RFTN1: variants seen among roughly 807,000 people sequenced by gnomAD.
RFTN1 encodes raftlin, lipid raft linker 1.
RFTN1 carries 26 observed loss-of-function variants against 46.5 expected under a neutral mutation model. The ratio of observed to expected loss-of-function variants is 0.56; its 90% CI spans 0.41 to 0.78. The LOEUF is 0.78. Among genes scored for constraint, RFTN1 ranks in the 30% least tolerant of loss-of-function variants. RFTN1 has a pLI of 0.00. For synonymous variants in RFTN1, 261 were observed against 284.2 expected (o/e 0.92, Z 0.82); for missense variants, 693 against 718.7 (o/e 0.96, Z 0.41).
chr3:16,340,178 G>T (rs1368893067), intron 7 of RFTN1, among the ~76,000 whole-genome samples: 1 of 152,222 alleles, frequency 6.6e-6, no homozygotes, highest in Non-Finnish European at 1.5e-5. Flanking sequence ...CTATCAGGAG[G>T]TAGTGCCTGT....
In RFTN1 at chr3:16,427,740, G is replaced by T. The variant is rs1264697297; in HGVS notation, c.332+6111C>A. ...TAGAGAAGTGGGCCCTGGCCTGAGG[G>T]GCTCATTACAGCACCACACACAGCC... On this transcript the variant is annotated intron_variant, in intron 3 of 9. Transcript: ENST00000334133. This position sits in a 1 kb window ranked among gnomAD's most constrained non-coding sequence, Gnocchi z 5.4. Among the ~76,000 whole-genome samples the T allele has an allele frequency of 6.6e-6, 1 of 152,148 alleles. No homozygotes were observed. The highest frequency in any genetic ancestry group is 2.4e-5 in the African/African-American group (1 of 41,442).
rs1019293170 is a variant in RFTN1 at position 16,425,500 on chromosome 3, G to A, written c.332+8351C>T. The stretch of plus-strand genomic sequence containing the variant: ...CAAACAAAAAATAAATAAAATGTGA[G>A]GAAAGACACAGGCCAATCAAGGGCA... On this transcript the variant is annotated intron_variant, in intron 3 of 9. Transcript: ENST00000334133. The surrounding 1 kb of genome is among the most constrained non-coding windows in gnomAD (Gnocchi z 4.3). Among the ~76,000 whole-genome samples, 3 of 152,134 alleles carry A rather than the reference G, an allele frequency of 2.0e-5. No homozygotes were observed. The highest frequency in any genetic ancestry group is 7.2e-5 in the African/African-American group (3 of 41,414).
At chr3:16,364,557 G>A (rs993050943) in intron 6 of RFTN1, among the ~76,000 whole-genome samples, 5 of 152,108 alleles carry the variant, frequency 3.3e-5, no homozygotes, top group Non-Finnish European at 2.9e-5. Context: ...TCTCTGCCTC[G>A]GTGGTTAGGG....
Position 16,466,631 on chromosome 3 carries a change from C to A in RFTN1, c.145+27094G>T, listed in dbSNP as rs1374032320. ...AACACCAACCATCCTCAGAAACCAA[C>A]CTTCTTTACAGGCAGAAGTTTCTTC... On this transcript the variant is annotated intron_variant, in intron 2 of 9. Transcript: ENST00000334133. This position sits in a 1 kb window ranked among gnomAD's most constrained non-coding sequence, Gnocchi z 5.6. Among the ~76,000 whole-genome samples, 2 of 152,200 alleles carry A rather than the reference C, an allele frequency of 1.3e-5. No individual in the cohort carries two copies. The highest frequency in any genetic ancestry group is 4.1e-4 in the South Asian group (2 of 4,824).
At chr3:16,454,617 A>G (rs1488977991) in intron 2 of RFTN1, among the ~76,000 whole-genome samples, 6 of 152,350 alleles carry the variant, frequency 3.9e-5, no homozygotes, top group East Asian at 1.9e-4. Flanking sequence ...AATTGGGTAG[A>G]TGGATACATA....
At chr3:16,419,261 C>T (rs1203450514) in intron 3 of RFTN1, among the ~76,000 whole-genome samples, 1 of 151,980 alleles carries the variant, frequency 6.6e-6, no homozygotes, top group African/African-American at 2.4e-5. Flanking sequence ...TCTGCAGTGA[C>T]CGGGGCAGAA....
At chr3:16,343,660 A>G (rs1315182964) in intron 7 of RFTN1, among the ~76,000 whole-genome samples, 1 of 152,230 alleles carries the variant, frequency 6.6e-6, no homozygotes. Flanking sequence ...TTGGTCAAAG[A>G]TATCTGTTCT....
intron 6 of RFTN1, among the ~76,000 whole-genome samples, chr3:16,360,198 G>A (rs979650877): frequency 4.6e-5 from 7 of 151,404 alleles, no homozygotes; most frequent in African/African-American, 1.7e-4. Flanking sequence ...TTGAGGTAGG[G>A]TCTCACTCTG....
intron 2 of RFTN1, among the ~76,000 whole-genome samples, chr3:16,467,646 G>A (rs1439560600): frequency 1.3e-5 from 2 of 152,228 alleles, no homozygotes; most frequent in Non-Finnish European, 2.9e-5. Flanking sequence ...GTGGCCAAAA[G>A]AGGTGATGAC....
rs1277904631 is a variant in RFTN1 at position 16,422,253 on chromosome 3, A to G, written c.332+11598T>C. Among the ~76,000 whole-genome samples, 2 of 152,234 alleles carry G rather than the reference A, an allele frequency of 1.3e-5. No homozygotes were observed. The highest frequency in any genetic ancestry group is 1.3e-4 in the Admixed American group (2 of 15,294). ...GTGTGTTAATGTAACTACAATTTCA[A>G]CAGAGTTTACCAGGAACTGAAGAAA... On this transcript the variant is annotated intron_variant, in intron 3 of 9. Transcript: ENST00000334133. The surrounding 1 kb of genome is among the most constrained non-coding windows in gnomAD (Gnocchi z 4.6).
In RFTN1 at chr3:16,465,221, A is replaced by T. The variant is rs1279498143; in HGVS notation, c.145+28504T>A. On this transcript the variant is annotated intron_variant, in intron 2 of 9. Transcript: ENST00000334133. The surrounding 1 kb of genome is among the most constrained non-coding windows in gnomAD (Gnocchi z 5.1). ...CTATTCAAGGATGCCACTTCAAGGT[A>T]AAAAAAAAAAAAGCCTTAGTATTTC... Among the ~76,000 whole-genome samples, 5 of 116,026 alleles carry T rather than the reference A, an allele frequency of 4.3e-5. No homozygotes were observed. Among genetic ancestry groups the T allele is most frequent in the Non-Finnish European group, 2.0e-5 (1 of 50,516 alleles). The allele number at this position is 116,026 out of a possible 152,430, so 76.1% of individuals were successfully genotyped here. A position where few individuals can be genotyped will look rare whatever the true frequency, so the allele number is the denominator to read the frequency against.
In RFTN1 at chr3:16,344,362, A is replaced by G. The variant is rs1471621178; in HGVS notation, c.1146+13570T>C. Among the ~76,000 whole-genome samples the G allele has an allele frequency of 1.3e-5, 2 of 151,846 alleles. No individual in the cohort carries two copies. The highest frequency in any genetic ancestry group is 4.8e-5 in the African/African-American group (2 of 41,290). Reference sequence around the variant, plus strand: ...TTTTTTAATTAGTAGGATGCTTCCTATAGGCATCAACTATAATCTAATTTA... The same window carrying G: ...TTTTTTAATTAGTAGGATGCTTCCTGTAGGCATCAACTATAATCTAATTTA... On this transcript the variant is annotated intron_variant, in intron 7 of 9. Transcript: ENST00000334133. The surrounding 1 kb of genome is among the most constrained non-coding windows in gnomAD (Gnocchi z 4.4).
chr3:16,469,519 T>C (rs1275504340), intron 2 of RFTN1, among the ~76,000 whole-genome samples: 1 of 151,844 alleles, frequency 6.6e-6, no homozygotes, highest in Non-Finnish European at 1.5e-5. Context: ...CAAAGGCAGG[T>C]GCACGACCTT....
rs549072459 is a variant in RFTN1, at chr3:16,342,228, C to T, written c.1147-15352G>A. ...CCCCCCACCCACCCCGAGGCAACCA[C>T]GAGTCCACTTTTTGTCTCTATGCAC... is the stretch of plus-strand genomic sequence containing the variant. On this transcript the variant is annotated intron_variant, in intron 7 of 9. Transcript: ENST00000334133. This position sits in a 1 kb window ranked among gnomAD's most constrained non-coding sequence, Gnocchi z 4.0. Among the ~76,000 whole-genome samples, 2 of 152,098 alleles carry T rather than the reference C, an allele frequency of 1.3e-5. No individual in the cohort carries two copies. The highest frequency in any genetic ancestry group is 2.4e-5 in the African/African-American group (1 of 41,498).
chr3:16,431,089 A>C (rs1165085684), intron 3 of RFTN1, among the ~76,000 whole-genome samples: 2 of 152,264 alleles, frequency 1.3e-5, no homozygotes, highest in South Asian at 4.1e-4. Context: ...ACAGCCCCTC[A>C]TTGTAGCAGC....
chr3:16,490,624 C>T (rs1357014059), intron 2 of RFTN1, among the ~76,000 whole-genome samples: 3 of 152,128 alleles, frequency 2.0e-5, no homozygotes, highest in African/African-American at 2.4e-5. Flanking sequence ...TCAAGAGTGC[C>T]GACATTCGCA....
intron 4 of RFTN1, among the ~76,000 whole-genome samples, chr3:16,391,880 TTGTTTTTTTTTTTG>T (rs1559317929): frequency 0.036 from 924 of 25,872 alleles, 135 homozygotes; most frequent in Middle Eastern, 0.054. Context: ...TTTTTTTTTT[TTGTTTTTTTTTTTG>T]TTTTTTTTAC....
rs143938024 is a variant in RFTN1, at chr3:16,338,402, C to T, written c.1147-11526G>A. On this transcript the variant is annotated intron_variant, in intron 7 of 9. Coordinates refer to ENST00000334133, the MANE Select transcript of RFTN1 (RefSeq NM_015150.2). The surrounding 1 kb of genome is among the most constrained non-coding windows in gnomAD (Gnocchi z 5.3). ...GCAGGGACAGGCACTGCAGTTCTGA[C>T]TGTGGTTAAGCAACACAAAGCTGCC... Among the ~76,000 whole-genome samples, 482 of 152,342 alleles carry T rather than the reference C, an allele frequency of 3.2e-3. 3 individuals carry two copies. The highest frequency in any genetic ancestry group is 5.6e-3 in the Non-Finnish European group (378 of 68,028).
intron 3 of RFTN1, among the ~76,000 whole-genome samples, chr3:16,432,702 G>C (rs1001814754): frequency 6.6e-6 from 1 of 151,980 alleles, no homozygotes; most frequent in Admixed American, 6.6e-5. Context: ...GAGAGAGAAA[G>C]ACAAACTAAT....
Sources: allele counts gnomAD v4.1 joint callset (sites outside exome capture counted in the v4.1 genomes callset), GRCh38; gene constraint gnomAD v4.1.1; non-coding constraint Gnocchi (gnomAD v3.1); transcripts MANE v1.5; gene names NCBI Gene and HGNC (gene_info 2026-07-23, HGNC 2026-07-21).